The following HSD17B2 variants were observed in gnomAD, a reference collection of about 807,000 sequenced individuals.
The protein encoded by HSD17B2 is 17-beta-hydroxysteroid dehydrogenase type 2.
Under a neutral mutation model 26.9 loss-of-function variants are expected in HSD17B2, and 32 were observed. The ratio of observed to expected loss-of-function variants is 1.19; its 90% CI spans 0.90 to 1.60. The LOEUF is 1.60. HSD17B2 is among the 40% of genes most tolerant of loss of function. The probability of loss-of-function intolerance (pLI) is 0.00; values close to 1 mark genes in which losing one functional copy is unlikely to be tolerated. For missense variants in HSD17B2, 613 were observed against 468.6 expected, an observed-to-expected ratio of 1.31 and a Z score of -2.85; for synonymous variants, 246 against 186.7, an observed-to-expected ratio of 1.32 and a Z score of -2.59.
At chr16:82,083,923 G>A (rs1226049803) in intron 3 of HSD17B2, among the ~76,000 whole-genome samples, 3 of 152,150 alleles carry the variant, frequency 2.0e-5, no homozygotes, top group Non-Finnish European at 4.4e-5. Context: ...AGAGGCATGG[G>A]AGGCAACTCT....
In HSD17B2 at chr16:82,051,765, G is replaced by A. The variant is rs937873173; in HGVS notation, c.265+16076G>A. Among the ~76,000 whole-genome samples the A allele has an allele frequency of 3.9e-5, 6 of 152,212 alleles. No homozygotes were observed. In the South Asian group the frequency reaches 6.2e-4, roughly 16 times the overall value. ...AAAAGAAAAAAAGAGCATGGACTTC[G>A]GAATCGTTAGTTGCAGCTTCTCAGC... On this transcript the variant is annotated intron_variant, in intron 1 of 4. Coordinates refer to ENST00000199936, the MANE Select transcript of HSD17B2 (RefSeq NM_002153.3).
At chr16:82,076,246 C>A (rs1904301411) in intron 3 of HSD17B2, among the ~76,000 whole-genome samples, 2 of 152,034 alleles carry the variant, frequency 1.3e-5, no homozygotes, top group African/African-American at 4.8e-5. Context: ...CTCAACGTAA[C>A]AAAAGCCATA....
intron 1 of HSD17B2, among the ~76,000 whole-genome samples, chr16:82,067,585 C>T (rs1914600595): frequency 6.6e-6 from 1 of 152,118 alleles, no homozygotes; most frequent in Non-Finnish European, 1.5e-5. Flanking sequence ...TCTTTTTAGG[C>T]TTGACGTCTA....
intron 4 of HSD17B2, chr16:82,092,287 G>C (rs949736578): frequency 6.6e-6 from 1 of 152,038 alleles, no homozygotes; most frequent in African/African-American, 2.4e-5. Flanking sequence ...ACCCCAAGAG[G>C]AGAAGGCCCT....
intron 3 of HSD17B2, among the ~76,000 whole-genome samples, chr16:82,081,543 C>T (rs9889094): frequency 0.091 from 13,831 of 152,140 alleles, 1,116 homozygotes; most frequent in Admixed American, 0.24. Flanking sequence ...TATAGCCTCT[C>T]TAAGCTCCAC....
intron 1 of HSD17B2, among the ~76,000 whole-genome samples, chr16:82,045,121 CAAAAAAA>C (rs10565056): frequency 7.1e-3 from 306 of 42,800 alleles, no homozygotes; most frequent in Non-Finnish European, 0.014. Flanking sequence ...AAACTCTGTC[CAAAAAAA>C]AAAAAAAAAA....
chr16:82,079,532 C>G (rs929907354), intron 3 of HSD17B2, among the ~76,000 whole-genome samples: 3 of 152,152 alleles, frequency 2.0e-5, no homozygotes, highest in Non-Finnish European at 2.9e-5. Flanking sequence ...TTTAAAGGTT[C>G]TATCTTCAAA....
intron 3 of HSD17B2, 177 bp downstream of exon 3, chr16:82,071,304 T>A (rs1417268841): frequency 1.5e-6 from 1 of 680,564 alleles, no homozygotes; most frequent in South Asian, 1.6e-5. Context: ...TCTTTCAAAT[T>A]CTTTCATGTA....
intron 1 of HSD17B2, among the ~76,000 whole-genome samples, chr16:82,055,941 AGT>A (rs1423189431): frequency 6.6e-6 from 1 of 152,190 alleles, no homozygotes; most frequent in Non-Finnish European, 1.5e-5. Flanking sequence ...TGGAATGAGA[AGT>A]GTAAGCTGGC....
At chr16:82,062,365 T>A (rs192706991) in intron 1 of HSD17B2, among the ~76,000 whole-genome samples, 8 of 152,338 alleles carry the variant, frequency 5.3e-5, no homozygotes, top group Admixed American at 5.2e-4. Flanking sequence ...GAGCACTTAC[T>A]ATGAGTCAGG....
chr16:82,068,387 T>G lies in HSD17B2; in HGVS notation c.478+5T>G. 1 of 1,606,966 alleles carries G rather than the reference T, an allele frequency of 6.2e-7. No individual in the cohort carries two copies. The highest frequency in any genetic ancestry group is 1.3e-5 in the African/African-American group (1 of 74,966). ...CAGCAATGCTGCAGGACAGAGGTAC[T>G]GCCGCCAGCACCCTCAGTGCCTTTA... On this transcript the variant is annotated splice_donor_5th_base_variant and intron_variant, in intron 2 of 4. Coordinates refer to ENST00000199936, the MANE Select transcript of HSD17B2 (RefSeq NM_002153.3).
chr16:82,072,456 T>C (rs945321512), intron 3 of HSD17B2, among the ~76,000 whole-genome samples: 4 of 152,228 alleles, frequency 2.6e-5, no homozygotes, highest in African/African-American at 9.7e-5. Context: ...TGGAATAGTC[T>C]GGTACTTCTG....
intron 1 of HSD17B2, among the ~76,000 whole-genome samples, chr16:82,054,376 G>T (rs112216102): frequency 6.6e-6 from 1 of 151,462 alleles, no homozygotes. Flanking sequence ...ACAGAGTCTC[G>T]CTGTGTCACC....
At chr16:82,044,561 CCTT>C (rs975625443) in intron 1 of HSD17B2, 2 of 152,244 alleles carry the variant, frequency 1.3e-5, no homozygotes, top group African/African-American at 4.8e-5. Flanking sequence ...TTTCTCCTCT[CCTT>C]CTCAGTCCTG....
At chr16:82,086,105 C>G (rs1347042499) in intron 3 of HSD17B2, among the ~76,000 whole-genome samples, 3 of 152,040 alleles carry the variant, frequency 2.0e-5, no homozygotes, top group African/African-American at 7.2e-5. Context: ...ACTGTGTGAC[C>G]TAGCAATTCT....
intron 3 of HSD17B2, among the ~76,000 whole-genome samples, chr16:82,072,531 G>T (rs185354553): frequency 6.6e-6 from 1 of 152,100 alleles, no homozygotes; most frequent in Non-Finnish European, 1.5e-5. Flanking sequence ...ACAGAGTACT[G>T]CCTCCTCCTT....
intron 1 of HSD17B2, among the ~76,000 whole-genome samples, chr16:82,038,022 G>A (rs1913665924): frequency 6.6e-6 from 1 of 152,156 alleles, no homozygotes; most frequent in South Asian, 2.1e-4. Context: ...AAATTTCTCT[G>A]GTGTGATTAC....
chr16:82,057,426 T>C (rs999667699), intron 1 of HSD17B2, among the ~76,000 whole-genome samples: 1 of 152,234 alleles, frequency 6.6e-6, no homozygotes, highest in Non-Finnish European at 1.5e-5. Flanking sequence ...CTCGATTTCC[T>C]GACCTCGTGA....
intron 1 of HSD17B2, among the ~76,000 whole-genome samples, chr16:82,046,410 G>C (rs148802781): frequency 6.6e-6 from 1 of 151,930 alleles, no homozygotes; most frequent in East Asian, 1.9e-4. Context: ...TCTCACAAAC[G>C]CCTTATAAGA....
Sources: allele counts gnomAD v4.1 joint callset (sites outside exome capture counted in the v4.1 genomes callset), GRCh38; gene constraint gnomAD v4.1.1; transcripts MANE v1.5; gene names NCBI Gene and HGNC (gene_info 2026-07-23, HGNC 2026-07-21).